KLHL26: variants seen among roughly 807,000 people sequenced by gnomAD.
KLHL26 encodes the protein kelch like family member 26.
In KLHL26, 4 loss-of-function variants were observed where a neutral mutation model predicts 7.1. The ratio of observed to expected loss-of-function variants is 0.56; its 90% CI spans 0.28 to 1.28. The LOEUF is 1.28. Among genes scored for constraint, KLHL26 ranks in the 50% most tolerant of loss-of-function variants. The pLI, the probability that KLHL26 is intolerant of heterozygous loss-of-function variation, is 0.11. For synonymous variants in KLHL26, 465 were observed against 414.1 expected (o/e 1.12, Z -1.49); for missense variants, 896 against 924.6 (o/e 0.97, Z 0.40).
In KLHL26 at chr19:18,646,806, G is replaced by A. The variant is rs946160651; in HGVS notation, c.83+9669G>A. 6.6e-6 allele frequency among the ~76,000 whole-genome samples: 1 copy of A among 152,252 alleles called. No individual in the cohort carries two copies. Among genetic ancestry groups the A allele is most frequent in the African/African-American group, 2.4e-5 (1 of 41,460 alleles). On this transcript the variant is annotated intron_variant, in intron 1 of 2. Transcript: ENST00000300976. The surrounding 1 kb of genome is among the most constrained non-coding windows in gnomAD (Gnocchi z 5.0). ...GTGTCAGGCAGGGAAAGGAGAGGGT[G>A]AACTTGAGCCATTGGGAAGACAGTA...
Position 18,669,287 on chromosome 19 carries a change from T to G in KLHL26, c.*42T>G. The G allele has an allele frequency of 6.6e-7, 1 of 1,507,824 alleles. No individual in the cohort carries two copies. The highest frequency in any genetic ancestry group is 9.0e-7 in the Non-Finnish European group (1 of 1,105,506). The allele number at this position is 1,507,824 out of a possible 1,614,324, so 93.4% of individuals were successfully genotyped here. A position where few individuals can be genotyped will look rare whatever the true frequency, so the allele number is the denominator to read the frequency against. ...GACCCTGGCCTGACCGCATGTTGTC[T>G]CCAAGTGGGGCTTGGCGAATGCACG... On this transcript the variant is annotated 3_prime_UTR_variant, in exon 3 of 3. Coordinates refer to ENST00000300976, the MANE Select transcript of KLHL26 (RefSeq NM_018316.3).
At position 18,650,893 on chromosome 19, in the gene KLHL26, C is replaced by T. The variant is rs535074667; in HGVS notation, c.84-13368C>T. 8.5e-5 allele frequency among the ~76,000 whole-genome samples: 13 copies of T among 152,280 alleles called. No individual in the cohort carries two copies. The East Asian group carries it at 2.3e-3, about 27-fold the overall frequency. ...ATGGCCCTCAGCGGGGCTTCCTGAC[C>T]CCTCAGCCCCGGTAGGAAGCTGGTG... On this transcript the variant is annotated intron_variant, in intron 1 of 2. Transcript: ENST00000300976. This position sits in a 1 kb window ranked among gnomAD's most constrained non-coding sequence, Gnocchi z 4.2.
chr19:18,660,270 G>A (rs1568460803), intron 1 of KLHL26, among the ~76,000 whole-genome samples: 5 of 152,226 alleles, frequency 3.3e-5, no homozygotes, highest in South Asian at 2.1e-4. Context: ...GGGATACAGC[G>A]GCAAGCGGGT....
intron 2 of KLHL26, chr19:18,667,344 T>G (rs2052458690): frequency 2.0e-5 from 8 of 407,612 alleles, no homozygotes; most frequent in Admixed American, 3.6e-5. Flanking sequence ...CTTTGCATGT[T>G]TTTGTTTGTT....
chr19:18,666,109 T>A (rs1427291939), intron 2 of KLHL26, among the ~76,000 whole-genome samples: 1 of 152,208 alleles, frequency 6.6e-6, no homozygotes, highest in East Asian at 1.9e-4. Context: ...TCTGCCTTCA[T>A]CGCATCATGC....
intron 1 of KLHL26, among the ~76,000 whole-genome samples, chr19:18,638,267 AATGGCCTG>A (rs1976653503): frequency 6.6e-6 from 1 of 152,198 alleles, no homozygotes; most frequent in Non-Finnish European, 1.5e-5. Context: ...TGTTGGAGGG[AATGGCCTG>A]ATGGCCTGGC....
Position 18,668,625 on chromosome 19 carries a change from G to A in KLHL26, c.1228G>A (p.Val410Met), listed in dbSNP as rs753937002. 6 of 1,582,340 alleles carry A rather than the reference G, an allele frequency of 3.8e-6. No homozygotes were observed. The South Asian group carries it at 4.5e-5, about 12-fold the overall frequency. The change falls in exon 3 of 3, where the codon GTG (valine) becomes ATG (methionine). Residue 410 changes from valine to methionine, a missense_variant. Coordinates refer to ENST00000300976, the MANE Select transcript of KLHL26 (RefSeq NM_018316.3). ...AAGCCGCATCCAGTTCCAGCTGAAC[G>A]TGCTGTGCGGCATGGTGTACGCCAC... Reference protein sequence around the residue: ...QESRIQFQLNVLCGMVYATGG... With the variant: ...QESRIQFQLNMLCGMVYATGG...
chr19:18,663,856 C>A (rs2052416499), intron 1 of KLHL26, among the ~76,000 whole-genome samples: 1 of 147,216 alleles, frequency 6.8e-6, no homozygotes, highest in South Asian at 2.1e-4. Context: ...GGGGCTGTGG[C>A]GGGGCTTGCA....
intron 1 of KLHL26, among the ~76,000 whole-genome samples, chr19:18,660,276 C>T (rs532991270): frequency 5.9e-5 from 9 of 152,320 alleles, no homozygotes; most frequent in Admixed American, 3.9e-4. Context: ...CAGCGGCAAG[C>T]GGGTGTCAGA....
At chr19:18,643,081 C>T (rs1976743332) in intron 1 of KLHL26, among the ~76,000 whole-genome samples, 1 of 151,998 alleles carries the variant, frequency 6.6e-6, no homozygotes, top group South Asian at 2.1e-4. Flanking sequence ...ATCCACCTGC[C>T]TTGGCCTCCC....
rs780214533 is a variant in KLHL26 at position 18,667,823 on chromosome 19, C to T, written c.426C>T (p.Phe142=). ...CVQDVLGAAV[F]LQMLPVVELC... The stretch of plus-strand genomic sequence containing the variant: ...AGGACGTGCTGGGCGCGGCCGTGTT[C>T]TTGCAGATGCTGCCCGTGGTGGAGC... Residue 142 remains phenylalanine (F), a synonymous_variant, in exon 3 of 3, where the codon TTC becomes TTT. Coordinates refer to ENST00000300976, the MANE Select transcript of KLHL26 (RefSeq NM_018316.3). 3 of 1,613,354 alleles carry T rather than the reference C, an allele frequency of 1.9e-6. No individual in the cohort carries two copies. Among genetic ancestry groups the T allele is most frequent in the Non-Finnish European group, 2.5e-6 (3 of 1,179,992 alleles).
intron 1 of KLHL26, among the ~76,000 whole-genome samples, chr19:18,654,678 C>A (rs1173293465): frequency 1.3e-5 from 2 of 151,890 alleles, no homozygotes; most frequent in Non-Finnish European, 2.9e-5. Context: ...TCCACCTATC[C>A]ATCTACCCAC....
At chr19:18,644,439 G>A (rs535011647) in intron 1 of KLHL26, among the ~76,000 whole-genome samples, 18 of 152,244 alleles carry the variant, frequency 1.2e-4, no homozygotes, top group East Asian at 1.2e-3. Flanking sequence ...TTGCTGGGGC[G>A]CATGCTTGTT....
intron 1 of KLHL26, among the ~76,000 whole-genome samples, chr19:18,642,409 C>T (rs1976729932): frequency 6.8e-6 from 1 of 147,284 alleles, no homozygotes; most frequent in Non-Finnish European, 1.5e-5. Context: ...CTTTTGTTGC[C>T]CAGGCTGGAG....
In KLHL26 at chr19:18,656,874, C is replaced by T. The variant is rs1246283908; in HGVS notation, c.84-7387C>T. ...TGTTGGAGAAAATCAGCATGTCAAG[C>T]AGGAGGGAGACACAGACAGCTGCAC... On this transcript the variant is annotated intron_variant, in intron 1 of 2. Transcript: ENST00000300976. This position sits in a 1 kb window ranked among gnomAD's most constrained non-coding sequence, Gnocchi z 4.4. Among the ~76,000 whole-genome samples the T allele has an allele frequency of 6.6e-6, 1 of 152,124 alleles. No individual in the cohort carries two copies. Among genetic ancestry groups the T allele is most frequent in the Non-Finnish European group, 1.5e-5 (1 of 67,998 alleles).
rs1976869557 is a variant in KLHL26, at chr19:18,649,745, C to G, written c.83+12608C>G. 6.6e-6 allele frequency among the ~76,000 whole-genome samples: 1 copy of G among 152,202 alleles called. No homozygotes were observed. Among genetic ancestry groups the G allele is most frequent in the Non-Finnish European group, 1.5e-5 (1 of 68,038 alleles). ...CTTAACACTTGTTAACCCCAGCCTC[C>G]AGTCCCTTCCTGCCCCCCACCCCGC... On this transcript the variant is annotated intron_variant, in intron 1 of 2. Coordinates refer to ENST00000300976, the MANE Select transcript of KLHL26 (RefSeq NM_018316.3). This position sits in a 1 kb window ranked among gnomAD's most constrained non-coding sequence, Gnocchi z 4.0.
chr19:18,665,273 G>T (rs891387095), intron 2 of KLHL26, among the ~76,000 whole-genome samples: 2 of 152,032 alleles, frequency 1.3e-5, no homozygotes, highest in Admixed American at 1.3e-4. Flanking sequence ...AGCCAGGATG[G>T]TCTTGATTTC....
At position 18,671,647 on chromosome 19, in the gene KLHL26, C is replaced by G. The variant is rs1449220336; in HGVS notation, c.*2402C>G. On this transcript the variant is annotated 3_prime_UTR_variant, in exon 3 of 3. Coordinates refer to ENST00000300976, the MANE Select transcript of KLHL26 (RefSeq NM_018316.3). ...CCCCTCCCTCAGCCTCCCCCCGCAT[C>G]CCCCCAAGAAAGGAAAATTATTTTT... 2 of 151,618 alleles carry G rather than the reference C, an allele frequency of 1.3e-5. No individual in the cohort carries two copies. Among genetic ancestry groups the G allele is most frequent in the African/African-American group, 4.9e-5 (2 of 41,176 alleles). 9.4% of individuals were successfully genotyped at this position (151,618 alleles called of 1,614,324 possible). A position where few individuals can be genotyped will look rare whatever the true frequency, so the allele number is the denominator to read the frequency against.
chr19:18,651,930 T>G (rs182075351), intron 1 of KLHL26, among the ~76,000 whole-genome samples: 5 of 152,256 alleles, frequency 3.3e-5, no homozygotes, highest in African/African-American at 1.2e-4. Context: ...CAGTCTCACC[T>G]CAGTGGGAGG....
Sources: gnomAD v4.1 joint callset for allele counts (sites outside exome capture counted in the v4.1 genomes callset) on GRCh38, gnomAD v4.1.1 for gene constraint, Gnocchi (gnomAD v3.1) non-coding constraint, MANE v1.5 for transcripts, NCBI Gene and HGNC (gene_info 2026-07-23, HGNC 2026-07-21) for gene names.